ROBO1: variants seen among roughly 807,000 people sequenced by gnomAD.
ROBO1 encodes roundabout homolog 1.
In ROBO1, 149 loss-of-function variants were observed where a neutral mutation model predicts 195.9. The observed-to-expected ratio is 0.76, with a 90% confidence interval of 0.67 to 0.87. The LOEUF is 0.87. Ranked by LOEUF, ROBO1 falls within the 40% of genes least tolerant of loss-of-function variation. The probability of loss-of-function intolerance (pLI) is 0.00; values close to 1 mark genes in which losing one functional copy is unlikely to be tolerated. For synonymous variants in ROBO1, 816 were observed against 733.2 expected (o/e 1.11, Z -1.82); for missense variants, 1,933 against 2,068.3 (o/e 0.93, Z 1.27).
chr3:78,803,634 A>G (rs1184364885), intron 4 of ROBO1, among the ~76,000 whole-genome samples: 1 of 152,134 alleles, frequency 6.6e-6, no homozygotes, highest in African/African-American at 2.4e-5. Context: ...CAGTTCCATG[A>G]AACAACAAAT....
At chr3:78,700,913 G>A (rs1381055626) in intron 8 of ROBO1, among the ~76,000 whole-genome samples, 4 of 151,956 alleles carry the variant, frequency 2.6e-5, no homozygotes, top group African/African-American at 7.2e-5. Context: ...ACAGGCGCAC[G>A]CCACCACATC....
chr3:79,106,448 T>C (rs2079781909), intron 3 of ROBO1, among the ~76,000 whole-genome samples: 1 of 151,560 alleles, frequency 6.6e-6, no homozygotes, highest in Non-Finnish European at 1.5e-5. Flanking sequence ...ACAAGACAAA[T>C]AATTCTATTT....
chr3:78,984,068 G>T (rs942545857), intron 3 of ROBO1, among the ~76,000 whole-genome samples: 2 of 152,048 alleles, frequency 1.3e-5, no homozygotes, highest in East Asian at 3.9e-4. Context: ...TAATAACGAA[G>T]AATAATATAA....
intron 3 of ROBO1, among the ~76,000 whole-genome samples, chr3:79,079,888 T>C (rs2079240659): frequency 6.6e-6 from 1 of 151,896 alleles, no homozygotes; most frequent in Non-Finnish European, 1.5e-5. Context: ...GTCAGAACTG[T>C]ACATCAGAGT....
At chr3:79,683,162 G>T (rs1254364690) in intron 1 of ROBO1, among the ~76,000 whole-genome samples, 1 of 151,692 alleles carries the variant, frequency 6.6e-6, no homozygotes. Context: ...ATTTCAAGTG[G>T]AAAAAACAAT....
chr3:79,727,295 T>C (rs200660671), intron 1 of ROBO1, among the ~76,000 whole-genome samples: 2 of 81,270 alleles, frequency 2.5e-5, no homozygotes, highest in Non-Finnish European at 6.6e-5. Context: ...ACTTTAAAAA[T>C]ATGTGAAATA....
chr3:78,932,040 T>G (rs1219823945), intron 4 of ROBO1, among the ~76,000 whole-genome samples: 1 of 152,162 alleles, frequency 6.6e-6, no homozygotes, highest in African/African-American at 2.4e-5. Flanking sequence ...CGGTATTAAT[T>G]AAAATTAATT....
intron 1 of ROBO1, among the ~76,000 whole-genome samples, chr3:79,632,517 T>C (rs181889708): frequency 2.0e-5 from 3 of 152,096 alleles, no homozygotes; most frequent in Non-Finnish European, 4.4e-5. Context: ...AAATTACCCA[T>C]TGGGTACAAG....
intron 5 of ROBO1, among the ~76,000 whole-genome samples, chr3:78,732,015 C>T (rs1360684732): frequency 6.6e-6 from 1 of 152,028 alleles, no homozygotes; most frequent in African/African-American, 2.4e-5. Context: ...TTATTTTTAA[C>T]GTCGAAAACA....
At chr3:78,725,899 C>A (rs1263832713) in intron 5 of ROBO1, among the ~76,000 whole-genome samples, 1 of 150,834 alleles carries the variant, frequency 6.6e-6, no homozygotes, top group Non-Finnish European at 1.5e-5. Context: ...TACCCTAAAG[C>A]AAGTCAGATG....
At chr3:79,207,686 T>A (rs1354533060) in intron 2 of ROBO1, among the ~76,000 whole-genome samples, 2 of 151,968 alleles carry the variant, frequency 1.3e-5, no homozygotes, top group Non-Finnish European at 2.9e-5. Flanking sequence ...GTTTTCTGCT[T>A]CTAACAACCA....
chr3:78,614,604 T>A (rs781465755), intron 28 of ROBO1, 44 bp downstream of exon 28: 1 of 1,602,480 alleles, frequency 6.2e-7, no homozygotes, highest in Non-Finnish European at 8.5e-7. Context: ...GCAGGGTAAA[T>A]AGGCGAGATT....
intron 2 of ROBO1, among the ~76,000 whole-genome samples, chr3:79,226,965 A>G (rs963644934): frequency 4.6e-5 from 7 of 152,176 alleles, no homozygotes; most frequent in African/African-American, 1.7e-4. Context: ...CTCTGCTTTG[A>G]ATCATGATCT....
In ROBO1 at chr3:79,452,529, C is replaced by T. The variant is rs1329783034; in HGVS notation, c.88+137295G>A. On this transcript the variant is annotated intron_variant, in intron 2 of 30. Coordinates refer to ENST00000464233, the MANE Select transcript of ROBO1 (RefSeq NM_002941.4). The stretch of plus-strand genomic sequence containing the variant: ...TGCATGTCACTATTAAATCTAAACT[C>T]CACAAAGACATGAGTTGTGTCTGCT... Among the ~76,000 whole-genome samples, 3 of 152,048 alleles carry T rather than the reference C, an allele frequency of 2.0e-5. No homozygotes were observed. The East Asian group carries it at 5.8e-4, about 29-fold the overall frequency.
chr3:79,644,230 G>A (rs1945750610), intron 1 of ROBO1, among the ~76,000 whole-genome samples: 1 of 152,026 alleles, frequency 6.6e-6, no homozygotes, highest in African/African-American at 2.4e-5. Flanking sequence ...AGATATAAAG[G>A]AAAAGGTAGA....
At chr3:78,866,527 T>G in intron 4 of ROBO1, among the ~76,000 whole-genome samples, 1 of 152,208 alleles carries the variant, frequency 6.6e-6, no homozygotes, top group East Asian at 1.9e-4. Flanking sequence ...TGAATGTACA[T>G]GGTTTAAAAA....
chr3:79,660,094 T>C (rs543554084), intron 1 of ROBO1, among the ~76,000 whole-genome samples: 1 of 152,156 alleles, frequency 6.6e-6, no homozygotes, highest in African/African-American at 2.4e-5. Context: ...GCTAGGCTCA[T>C]GGTTTCAGGT....
chr3:79,516,742 T>C (rs895019556), intron 2 of ROBO1, among the ~76,000 whole-genome samples: 3 of 152,190 alleles, frequency 2.0e-5, no homozygotes, highest in African/African-American at 7.2e-5. Flanking sequence ...TGCCTATTGA[T>C]GGATATGCCA....
intron 4 of ROBO1, among the ~76,000 whole-genome samples, chr3:78,880,486 A>C (rs1206742751): frequency 1.3e-5 from 2 of 152,182 alleles, no homozygotes; most frequent in Non-Finnish European, 2.9e-5. Context: ...AGTTAAAAAA[A>C]AATTAACATG....
Sources: gnomAD v4.1 joint callset for allele counts (sites outside exome capture counted in the v4.1 genomes callset) on GRCh38, gnomAD v4.1.1 for gene constraint, MANE v1.5 for transcripts, NCBI Gene and HGNC (gene_info 2026-07-23, HGNC 2026-07-21) for gene names.